The following NFATC1 variants were observed in gnomAD, a reference collection of about 807,000 sequenced individuals.
NFATC1 encodes nuclear factor of activated T cells 1, also known as nuclear factor of activated T-cells, cytoplasmic 1.
In NFATC1, 22 loss-of-function variants were observed where a neutral mutation model predicts 76.0. The observed-to-expected ratio is 0.29, with a 90% CI of 0.21 to 0.41. The LOEUF is 0.41. Ranked by LOEUF, NFATC1 falls within the 10% of genes least tolerant of loss-of-function variation. NFATC1 has a pLI of 1.00. For synonymous variants in NFATC1, 704 were observed against 613.1 expected (o/e 1.15, Z -2.19); for missense variants, 1,357 against 1,337.7 (o/e 1.01, Z -0.23).
intron 2 of NFATC1, among the ~76,000 whole-genome samples, chr18:79,416,979 G>A (rs1367767950): frequency 2.6e-5 from 4 of 152,202 alleles, no homozygotes; most frequent in East Asian, 3.9e-4. Context: ...CTTGAAGAAC[G>A]TGGCTGTGTG....
At chr18:79,425,368 T>C (rs1420558058) in intron 2 of NFATC1, among the ~76,000 whole-genome samples, 2 of 151,744 alleles carry the variant, frequency 1.3e-5, no homozygotes, top group Admixed American at 6.6e-5. Context: ...GGCTGCCGGC[T>C]GAGGAGGGCT....
chr18:79,490,424 T>G (rs2089645133), intron 9 of NFATC1, among the ~76,000 whole-genome samples: 1 of 151,480 alleles, frequency 6.6e-6, no homozygotes, highest in Admixed American at 6.6e-5. Context: ...GGCTCTGGGT[T>G]AGGGCAGGGT....
intron 8 of NFATC1, 62 bp from the exon 9 acceptor site, chr18:79,486,186 G>A: frequency 6.7e-7 from 1 of 1,495,840 alleles, no homozygotes; most frequent in Non-Finnish European, 9.1e-7. Flanking sequence ...CCAGCCACAA[G>A]CCTGCCTGAT....
intron 3 of NFATC1, among the ~76,000 whole-genome samples, chr18:79,434,282 C>T (rs1164235865): frequency 2.0e-5 from 3 of 152,230 alleles, no homozygotes; most frequent in Admixed American, 6.5e-5. Context: ...ACCCTGCAGC[C>T]GCGTCCCTGC....
chr18:79,439,551 G>A (rs1482221626), intron 3 of NFATC1, among the ~76,000 whole-genome samples: 1 of 152,208 alleles, frequency 6.6e-6, no homozygotes, highest in African/African-American at 2.4e-5. Context: ...ATTTCAGGGC[G>A]AATGACCGTC....
intron 8 of NFATC1, chr18:79,470,073 G>C: frequency 2.1e-6 from 2 of 946,356 alleles, no homozygotes; most frequent in Non-Finnish European, 2.5e-6. Context: ...CTGCAACCCC[G>C]GCTGGGTCTG....
chr18:79,406,585 G>A (rs575505398), intron 1 of NFATC1, among the ~76,000 whole-genome samples: 57 of 152,360 alleles, frequency 3.7e-4, no homozygotes, highest in South Asian at 2.5e-3. Context: ...ACAAATAAGC[G>A]GGCCCAGCAG....
intron 8 of NFATC1, among the ~76,000 whole-genome samples, chr18:79,472,160 G>A (rs921632814): frequency 6.6e-5 from 10 of 152,096 alleles, no homozygotes; most frequent in Non-Finnish European, 1.5e-4. Flanking sequence ...GTGGGGGGGC[G>A]GGGGGCGGCT....
At chr18:79,425,351 G>A (rs1298772426) in intron 2 of NFATC1, among the ~76,000 whole-genome samples, 1 of 152,206 alleles carries the variant, frequency 6.6e-6, no homozygotes, top group East Asian at 1.9e-4. Flanking sequence ...ATGGCCATGA[G>A]GCCCGCGGCT....
chr18:79,435,271 C>T (rs1038002853), intron 3 of NFATC1, among the ~76,000 whole-genome samples: 1 of 151,762 alleles, frequency 6.6e-6, no homozygotes, highest in African/African-American at 2.4e-5. Flanking sequence ...GGAATCGAGG[C>T]TGTTACTTGG....
At chr18:79,464,059 A>G (rs2088296608) in intron 7 of NFATC1, among the ~76,000 whole-genome samples, 1 of 152,204 alleles carries the variant, frequency 6.6e-6, no homozygotes, top group Admixed American at 6.5e-5. Context: ...CATGTGAAAA[A>G]TTGTGTACTT....
chr18:79,520,262 C>T (rs935299084), intron 9 of NFATC1, among the ~76,000 whole-genome samples: 18 of 151,710 alleles, frequency 1.2e-4, no homozygotes, highest in Admixed American at 3.9e-4. Flanking sequence ...GTCGGCAGCC[C>T]TCGCGTGGCG....
At chr18:79,409,050 T>C (rs1437659935) in intron 1 of NFATC1, among the ~76,000 whole-genome samples, 1 of 82,008 alleles carries the variant, frequency 1.2e-5, no homozygotes, top group African/African-American at 3.3e-5. Context: ...ATCCATCCAT[T>C]ATTCCTCCAT....
chr18:79,510,828 ATCCTCTGCCGGGG>A (rs2090227019), intron 9 of NFATC1, among the ~76,000 whole-genome samples: 1 of 12,604 alleles, frequency 7.9e-5, no homozygotes, highest in Non-Finnish European at 3.2e-4. Flanking sequence ...CTGCCGGGGC[ATCCTCTGCCGGGG>A]CATCCTCTGC....
chr18:79,415,305 T>C (rs1225294059), intron 2 of NFATC1, among the ~76,000 whole-genome samples: 3 of 152,182 alleles, frequency 2.0e-5, no homozygotes, highest in Non-Finnish European at 2.9e-5. Context: ...TTTTTTGAGA[T>C]GGAGTCTCGC....
chr18:79,519,135 G>A (rs1407216780), intron 9 of NFATC1, among the ~76,000 whole-genome samples: 1 of 152,138 alleles, frequency 6.6e-6, no homozygotes, highest in Non-Finnish European at 1.5e-5. Context: ...CAGAGCCTCC[G>A]GCGGCTGGCA....
chr18:79,523,983 G>A (rs1319604805), intron 9 of NFATC1: 3 of 152,208 alleles, frequency 2.0e-5, no homozygotes, highest in Non-Finnish European at 2.9e-5. Context: ...AAAACCCTTT[G>A]TGTCTGTGGA....
At chr18:79,421,048 T>A (rs952044857) in intron 2 of NFATC1, 3 of 152,332 alleles carry the variant, frequency 2.0e-5, no homozygotes, top group African/African-American at 7.2e-5. Flanking sequence ...GCAGCTTGAT[T>A]CTGCTCCTCA....
At chr18:79,439,063 G>C (rs974635757) in intron 3 of NFATC1, among the ~76,000 whole-genome samples, 2 of 152,172 alleles carry the variant, frequency 1.3e-5, no homozygotes, top group African/African-American at 4.8e-5. Context: ...GCAGGGGCTC[G>C]GGGAGTGTTC....
Sources: allele counts gnomAD v4.1 joint callset (sites outside exome capture counted in the v4.1 genomes callset), GRCh38; gene constraint gnomAD v4.1.1; transcripts MANE v1.5; gene names NCBI Gene and HGNC (gene_info 2026-07-23, HGNC 2026-07-21).